FRMPD4: variants seen among roughly 807,000 people sequenced by gnomAD.
FRMPD4 encodes the protein FERM and PDZ domain-containing protein 4.
A neutral mutation model predicts 94.1 loss-of-function variants in FRMPD4; 22 were observed. The ratio of observed to expected loss-of-function variants is 0.23; its 90% CI spans 0.17 to 0.33. The LOEUF is 0.33. Among genes scored for constraint, FRMPD4 ranks in the 10% least tolerant of loss-of-function variants. FRMPD4 has a pLI of 1.00. For synonymous variants in FRMPD4, 631 were observed against 548.6 expected, an observed-to-expected ratio of 1.15 and a Z score of -2.10; for missense variants, 1,111 against 1,339.9, an observed-to-expected ratio of 0.83 and a Z score of 2.67.
intron 1 of FRMPD4, among the ~76,000 whole-genome samples, chrX:12,200,100 A>G (rs965601207): frequency 8.9e-6 from 1 of 111,935 alleles, no homozygotes; most frequent in African/African-American, 3.2e-5. Flanking sequence ...GTAATCTTGT[A>G]ATCTCCAGCT....
At chrX:12,700,842 T>C (rs770343012) in intron 9 of FRMPD4, among the ~76,000 whole-genome samples, 1 of 111,598 alleles carries the variant, frequency 9.0e-6, no homozygotes, top group South Asian at 3.7e-4. Context: ...TGGTCTAAAA[T>C]TACTTACACA....
At chrX:11,830,031 G>A (rs1408333324) in intron 1 of FRMPD4, among the ~76,000 whole-genome samples, 1 of 111,601 alleles carries the variant, frequency 9.0e-6, no homozygotes, top group African/African-American at 3.3e-5. Flanking sequence ...CCCTTATAAA[G>A]TGGAGAACCA....
At chrX:12,247,327 T>C (rs985369246) in intron 1 of FRMPD4, among the ~76,000 whole-genome samples, 2 of 111,283 alleles carry the variant, frequency 1.8e-5, no homozygotes, top group African/African-American at 3.3e-5. Context: ...CTTCTGCCAG[T>C]TGCTGGGTGC....
chrX:12,541,466 A>G (rs1408969321), intron 2 of FRMPD4, among the ~76,000 whole-genome samples: 2 of 112,341 alleles, frequency 1.8e-5, no homozygotes, highest in Non-Finnish European at 3.8e-5. Context: ...CAACACCTCT[A>G]TGCAAATAAA....
At chrX:12,173,092 C>T (rs773135759) in intron 1 of FRMPD4, among the ~76,000 whole-genome samples, 16 of 112,664 alleles carry the variant, frequency 1.4e-4, no homozygotes, top group Non-Finnish European at 2.6e-4. Context: ...ATTCATACTT[C>T]GGGCCAAGCC....
rs1272461155 is a variant in FRMPD4, at chrX:12,427,895, CTCT to C, written c.42-70783_42-70781del. On this transcript the variant is annotated intron_variant, in intron 1 of 16. Transcript: ENST00000675598. ...AGGATGTTAATCATTTTCCTTTTTT[CTCT>C]TTTTTTTTTTTTTTTTTTTTTTTTT... Among the ~76,000 whole-genome samples the C allele has an allele frequency of 3.9e-3, 240 of 60,782 alleles. 1 individual carries two copies. The highest frequency in any genetic ancestry group is 0.01 in the Middle Eastern group (1 of 99). 52.8% of individuals were successfully genotyped at this position (60,782 alleles called of 115,157 possible). A position where few individuals can be genotyped will look rare whatever the true frequency, so the allele number is the denominator to read the frequency against.
intron 1 of FRMPD4, among the ~76,000 whole-genome samples, chrX:11,831,542 G>T (rs964190546): frequency 1.8e-5 from 2 of 111,807 alleles, no homozygotes; most frequent in East Asian, 5.6e-4. Flanking sequence ...TGAGTCTGGG[G>T]CTCTTAGGAG....
intron 1 of FRMPD4, among the ~76,000 whole-genome samples, chrX:12,211,859 A>G (rs778751714): frequency 8.9e-6 from 1 of 112,378 alleles, no homozygotes; most frequent in African/African-American, 3.2e-5. Flanking sequence ...TTAAAAATAC[A>G]ATCAATTTTC....
At chrX:11,959,092 A>C (rs1360287110) in intron 3 of FRMPD4, among the ~76,000 whole-genome samples, 1 of 112,810 alleles carries the variant, frequency 8.9e-6, no homozygotes, top group Non-Finnish European at 1.9e-5. Flanking sequence ...GTATTTTTTA[A>C]AGTTATTTCC....
intron 3 of FRMPD4, among the ~76,000 whole-genome samples, chrX:11,892,275 A>G (rs1008880777): frequency 5.4e-5 from 6 of 112,062 alleles, no homozygotes; most frequent in Non-Finnish European, 9.4e-5. Context: ...CTCGGAGCAT[A>G]TCTATAGGCG....
intron 3 of FRMPD4, among the ~76,000 whole-genome samples, chrX:11,953,537 C>G (rs1255686492): frequency 1.8e-5 from 2 of 109,990 alleles, no homozygotes; most frequent in Non-Finnish European, 3.8e-5. Flanking sequence ...TTCAAAAGGA[C>G]TATTTCGATG....
chrX:11,933,592 G>T (rs2054133770), intron 3 of FRMPD4, among the ~76,000 whole-genome samples: 1 of 112,548 alleles, frequency 8.9e-6, no homozygotes, highest in African/African-American at 3.2e-5. Context: ...AAATTCCAAA[G>T]AATCAAAAAT....
intron 1 of FRMPD4, among the ~76,000 whole-genome samples, chrX:12,475,696 G>C (rs2057587889): frequency 9.0e-6 from 1 of 111,685 alleles, no homozygotes; most frequent in Admixed American, 9.5e-5. Context: ...CAAATCATGA[G>C]TGAACTCCCA....
In FRMPD4 at chrX:12,518,117, GGCAGCA is replaced by G. The variant is rs1240406077; in HGVS notation, c.158+19323_158+19328del. On this transcript the variant is annotated intron_variant, in intron 2 of 16. Coordinates refer to ENST00000675598, the MANE Select transcript of FRMPD4 (RefSeq NM_001368397.1). ...TCCCCCTGGGAGGTCAGTCATCTTA[GGCAGCA>G]GGCAGCCACAGTGATGGCCGCTGCC... 2.7e-5 allele frequency among the ~76,000 whole-genome samples: 3 copies of G among 112,028 alleles called. No homozygotes were observed. The Admixed American group carries it at 2.8e-4, about 10-fold the overall frequency.
chrX:12,308,059 A>G (rs765822047), intron 1 of FRMPD4, among the ~76,000 whole-genome samples: 204 of 111,782 alleles, frequency 1.8e-3, no homozygotes, highest in Non-Finnish European at 3.2e-3. Context: ...GGACATCACA[A>G]CCTTGACAGA....
At position 11,978,969 on chromosome X, in the gene FRMPD4, C is replaced by T. The variant is rs763493304; in HGVS notation, c.95+100951C>T. On this transcript the variant is annotated intron_variant, in intron 3 of 18. Coordinates refer to the FRMPD4 transcript ENST00000640291. ...CTAAGCACTTTTGTAATTATTACTA[C>T]CTTTAAAAATTAATTATGGTAAAGT... 2.7e-5 allele frequency among the ~76,000 whole-genome samples: 3 copies of T among 110,859 alleles called. No individual in the cohort carries two copies. The East Asian group carries it at 8.4e-4, about 31-fold the overall frequency.
intron 2 of FRMPD4, among the ~76,000 whole-genome samples, chrX:12,557,231 G>A (rs962288165): frequency 1.1e-4 from 11 of 95,915 alleles, no homozygotes; most frequent in African/African-American, 4.0e-4. Context: ...GGATCTTGGC[G>A]AAACAGGTTA....
At chrX:12,130,015 C>T (rs1180223663) in intron 3 of FRMPD4, among the ~76,000 whole-genome samples, 1 of 110,316 alleles carries the variant, frequency 9.1e-6, no homozygotes, top group Non-Finnish European at 1.9e-5. Context: ...TAATTGTTAA[C>T]CCTCTGCATC....
intron 1 of FRMPD4, among the ~76,000 whole-genome samples, chrX:12,234,455 G>C: frequency 9.0e-6 from 1 of 111,182 alleles, no homozygotes; most frequent in Non-Finnish European, 1.9e-5. Flanking sequence ...AACCCTGGAG[G>C]TAAGAAATGA....
Sources: gnomAD v4.1 joint callset for allele counts (sites outside exome capture counted in the v4.1 genomes callset) on GRCh38, gnomAD v4.1.1 for gene constraint, MANE v1.5 for transcripts, NCBI Gene and HGNC (gene_info 2026-07-23, HGNC 2026-07-21) for gene names.